Variants in MYO3A observed in about 807,000 individuals in gnomAD.
The protein encoded by MYO3A is myosin-IIIa.
A neutral mutation model predicts 192.7 loss-of-function variants in MYO3A; 180 were observed. That is an observed-to-expected ratio of 0.93 (90% CI 0.83 to 1.06). The LOEUF is 1.06. MYO3A is among the 50% of genes least tolerant of loss of function. The pLI, the probability that MYO3A is intolerant of heterozygous loss-of-function variation, is 0.00. For synonymous variants in MYO3A, 628 were observed against 645.3 expected (o/e 0.97, Z 0.41); for missense variants, 1,896 against 1,905.0 (o/e 1.00, Z 0.09).
chr10:25,998,489 A>G (rs960768561), intron 6 of MYO3A, among the ~76,000 whole-genome samples: 4 of 152,088 alleles, frequency 2.6e-5, no homozygotes, highest in African/African-American at 7.2e-5. Flanking sequence ...CAGCTAGTCT[A>G]TGTTTCTGGT....
At chr10:26,056,972 A>G (rs769391030) in intron 10 of MYO3A, among the ~76,000 whole-genome samples, 1 of 151,416 alleles carries the variant, frequency 6.6e-6, no homozygotes, top group African/African-American at 2.4e-5. Context: ...AAAAAAAAAT[A>G]GATGCCATGA....
At chr10:26,170,618 C>A in intron 29 of MYO3A, 79 bp downstream of exon 29, 1 of 1,474,872 alleles carries the variant, frequency 6.8e-7, no homozygotes, top group Non-Finnish European at 9.3e-7. Flanking sequence ...ATGTTCACAG[C>A]CTTTCTTGTA....
intron 6 of MYO3A, among the ~76,000 whole-genome samples, chr10:26,010,982 T>C (rs1478515770): frequency 6.6e-6 from 1 of 152,116 alleles, no homozygotes; most frequent in Admixed American, 6.5e-5. Flanking sequence ...TTAAATAAGA[T>C]TGTCAAATAT....
At position 26,026,408 on chromosome 10, in the gene MYO3A, A is replaced by G; in HGVS notation, c.829A>G (p.Thr277Ala). 4 of 1,614,158 alleles carry G rather than the reference A, an allele frequency of 2.5e-6. No individual in the cohort carries two copies. The highest frequency in any genetic ancestry group is 3.4e-6 in the Non-Finnish European group (4 of 1,179,986). Residue 277 changes from threonine (T) to alanine (A), a missense_variant, in exon 10 of 35, where the codon ACA becomes GCA. Coordinates refer to ENST00000642920, the MANE Select transcript of MYO3A (RefSeq NM_017433.5). The part of the protein sequence containing the change: ...CLTKDYEKRP[T>A]VSELLQHKFI... ...GACTAAAGATTATGAAAAGCGTCCA[A>G]CAGTGTCAGAACTTTTACAGCATAA...
At chr10:26,034,331 C>T (rs1034516321) in intron 10 of MYO3A, among the ~76,000 whole-genome samples, 4 of 152,170 alleles carry the variant, frequency 2.6e-5, no homozygotes, top group Non-Finnish European at 4.4e-5. Flanking sequence ...GTGCCCAGAC[C>T]TTATTATGGA....
intron 15 of MYO3A, among the ~76,000 whole-genome samples, chr10:26,094,860 A>G (rs1836917749): frequency 6.6e-6 from 1 of 152,242 alleles, no homozygotes; most frequent in Admixed American, 6.5e-5. Context: ...ATTTGCGTGT[A>G]ATTATGCATA....
intron 14 of MYO3A, among the ~76,000 whole-genome samples, chr10:26,075,860 C>G (rs12413095): frequency 6.7e-6 from 1 of 148,926 alleles, no homozygotes; most frequent in African/African-American, 2.5e-5. Context: ...TCATATATAT[C>G]TATATGTATC....
At chr10:25,993,627 C>G (rs986058232) in intron 4 of MYO3A, among the ~76,000 whole-genome samples, 1 of 152,130 alleles carries the variant, frequency 6.6e-6, no homozygotes, top group African/African-American at 2.4e-5. Flanking sequence ...TTAGATCTTT[C>G]CTGCTTTCTC....
chr10:26,043,095 C>T (rs1052110640), intron 10 of MYO3A, among the ~76,000 whole-genome samples: 10 of 151,840 alleles, frequency 6.6e-5, no homozygotes, highest in Non-Finnish European at 1.5e-5. Flanking sequence ...GAATAATTTC[C>T]TGGATTGCCA....
intron 18 of MYO3A, among the ~76,000 whole-genome samples, chr10:26,124,227 T>C (rs1346734797): frequency 6.6e-6 from 1 of 151,310 alleles, no homozygotes; most frequent in Non-Finnish European, 1.5e-5. Flanking sequence ...CATATTTACG[T>C]ATTTTGAAAA....
intron 4 of MYO3A, among the ~76,000 whole-genome samples, chr10:25,978,090 T>C (rs1839068911): frequency 6.6e-6 from 1 of 152,208 alleles, no homozygotes; most frequent in African/African-American, 2.4e-5. Context: ...TCAAATATAC[T>C]GTGTGATTTA....
intron 26 of MYO3A, among the ~76,000 whole-genome samples, chr10:26,159,117 A>G (rs555816514): frequency 6.6e-5 from 10 of 150,588 alleles, no homozygotes; most frequent in African/African-American, 2.4e-4. Flanking sequence ...CAGCCTCCTG[A>G]ATAGCTAGAA....
At position 26,170,546 on chromosome 10, in the gene MYO3A, T is replaced by A; in HGVS notation, c.3398+7T>A. 1 of 1,606,800 alleles carries A rather than the reference T, an allele frequency of 6.2e-7. No individual in the cohort carries two copies. The highest frequency in any genetic ancestry group is 8.5e-7 in the Non-Finnish European group (1 of 1,175,736). ...AAAACTTTGAAAATACAAGGTATAA[T>A]GATGTTCATTCTTATACCGTTGTAA... is the stretch of plus-strand genomic sequence containing the variant. On this transcript the variant is annotated splice_region_variant and intron_variant, in intron 29 of 34. Coordinates refer to ENST00000642920, the MANE Select transcript of MYO3A (RefSeq NM_017433.5).
intron 14 of MYO3A, among the ~76,000 whole-genome samples, chr10:26,079,258 A>T (rs2131447166): frequency 6.6e-6 from 1 of 152,266 alleles, no homozygotes; most frequent in Middle Eastern, 3.4e-3. Flanking sequence ...TTTTACCATT[A>T]TATAATGTCC....
rs567245024 is a variant in MYO3A, at chr10:25,934,623, AG to A, written c.-105+298del. 5.1e-3 allele frequency among the ~76,000 whole-genome samples: 395 copies of A among 78,052 alleles called. 3 individuals carry two copies. The highest frequency in any genetic ancestry group is 0.02 in the African/African-American group (381 of 19,472). 51.2% of individuals were successfully genotyped at this position (78,052 alleles called of 152,430 possible). ...GGATGGGAGAGCTCGAGGGGAGGAG[AG>A]GGATGAACTTGAGGGGGAAACGGGG... On this transcript the variant is annotated intron_variant, in intron 1 of 34. Transcript: ENST00000642920.
intron 6 of MYO3A, among the ~76,000 whole-genome samples, chr10:26,006,876 T>C (rs1564452861): frequency 6.6e-6 from 1 of 151,340 alleles, no homozygotes; most frequent in African/African-American, 2.5e-5. Flanking sequence ...CCCTAACTCA[T>C]TTTATGAGGC....
Position 26,161,399 on chromosome 10 carries a change from G to A in MYO3A, c.2999+3884G>A, listed in dbSNP as rs564938664. Among the ~76,000 whole-genome samples the A allele has an allele frequency of 6.6e-5, 10 of 152,258 alleles. No homozygotes were observed. The South Asian group carries it at 1.5e-3, about 22-fold the overall frequency. ...GCAGCTATTTCAAAGGAACCCTTAC[G>A]CTAACAAGCCAGCCACTTAACTTGG... is the stretch of plus-strand genomic sequence containing the variant. On this transcript the variant is annotated intron_variant, in intron 26 of 34. Coordinates refer to ENST00000642920, the MANE Select transcript of MYO3A (RefSeq NM_017433.5).
intron 14 of MYO3A, among the ~76,000 whole-genome samples, chr10:26,075,426 G>T (rs28796333): frequency 1.3e-5 from 2 of 150,996 alleles, no homozygotes; most frequent in East Asian, 3.9e-4. Context: ...CCCTTGCCCT[G>T]CTCCAGTTCT....
At chr10:26,023,782 A>G (rs1334129684) in intron 8 of MYO3A, among the ~76,000 whole-genome samples, 1 of 152,226 alleles carries the variant, frequency 6.6e-6, no homozygotes, top group Non-Finnish European at 1.5e-5. Context: ...CTTTAAAAGA[A>G]AAAATAATAA....
Sources: allele counts gnomAD v4.1 joint callset (sites outside exome capture counted in the v4.1 genomes callset), GRCh38; gene constraint gnomAD v4.1.1; transcripts MANE v1.5; gene names NCBI Gene and HGNC (gene_info 2026-07-23, HGNC 2026-07-21).